GTF3C5: variants seen among roughly 807,000 people sequenced by gnomAD.
The protein encoded by GTF3C5 is general transcription factor IIIC subunit 5.
Under a neutral mutation model 61.0 loss-of-function variants are expected in GTF3C5, and 47 were observed. The ratio of observed to expected loss-of-function variants is 0.77; its 90% confidence interval spans 0.61 to 0.98. The LOEUF (loss-of-function observed/expected upper bound fraction) is 0.98, where lower values mean the gene tolerates loss of function less well. GTF3C5 is among the 50% of genes least tolerant of loss of function. The pLI is 0.00. For synonymous variants in GTF3C5, 295 were observed against 275.4 expected (o/e 1.07, Z -0.71); for missense variants, 659 against 703.3 (o/e 0.94, Z 0.71).
chr9:133,031,097 AC>A lies in GTF3C5; in HGVS notation c.89del (p.Pro30ArgfsTer175). On this transcript the variant is annotated frameshift_variant, in exon 1 of 11. Transcript: ENST00000372097. LOFTEE classifies it high-confidence loss of function. ...RRERRMVCVE[Y>X]PGVVRDVAKM... The stretch of plus-strand genomic sequence containing the variant: ...GAGCGACGCATGGTGTGCGTGGAGT[AC>A]CCGGGAGTGGTGCGTGATGTGGCTA... 1 of 1,607,232 alleles carries A rather than the reference AC, an allele frequency of 6.2e-7. No homozygotes were observed. The highest frequency in any genetic ancestry group is 8.5e-7 in the Non-Finnish European group (1 of 1,176,534).
intron 8 of GTF3C5, chr9:133,055,251 G>A: frequency 6.8e-7 from 1 of 1,472,076 alleles, no homozygotes; most frequent in Non-Finnish European, 9.0e-7. Context: ...GGGGTTGGCG[G>A]TTTCCAGAGC....
rs1363329435 is a variant in GTF3C5, at chr9:133,052,134, G to A, written c.843G>A (p.Lys281=). The A allele has an allele frequency of 6.2e-7, 1 of 1,605,308 alleles. No homozygotes were observed. Among genetic ancestry groups the A allele is most frequent in the Non-Finnish European group, 8.5e-7 (1 of 1,174,200 alleles). The change falls in exon 5 of 11, where the codon AAG becomes AAA. Residue 281 remains lysine (K), a synonymous_variant. Coordinates refer to ENST00000372097, the MANE Select transcript of GTF3C5 (RefSeq NM_012087.4). ...ANISVHPDKL[K]VLLPFIAYYM... is the part of the protein sequence containing the mutation. Reference sequence around the variant, plus strand: ...TCAGCGTCCACCCAGACAAGCTCAAGGTCTTGCTTCCCTTCATAGCCTATT... The same window carrying A: ...TCAGCGTCCACCCAGACAAGCTCAAAGTCTTGCTTCCCTTCATAGCCTATT...
intron 1 of GTF3C5, among the ~76,000 whole-genome samples, chr9:133,034,665 C>T (rs560353246): frequency 6.6e-5 from 10 of 152,040 alleles, no homozygotes; most frequent in Non-Finnish European, 1.5e-4. Context: ...AAGGCCCTTC[C>T]CAAGCTGGTT....
At chr9:133,050,198 C>T (rs757254931) in intron 3 of GTF3C5, among the ~76,000 whole-genome samples, 6 of 152,050 alleles carry the variant, frequency 3.9e-5, no homozygotes, top group African/African-American at 1.2e-4. Flanking sequence ...CCAGGAGCTC[C>T]GTCTCTGGGC....
At chr9:133,046,605 C>A (rs920191203) in intron 3 of GTF3C5, among the ~76,000 whole-genome samples, 2 of 152,168 alleles carry the variant, frequency 1.3e-5, no homozygotes, top group African/African-American at 4.8e-5. Flanking sequence ...CCAGGGCACT[C>A]CCTGGAGCCT....
rs923849884 is a variant in GTF3C5, at chr9:133,050,693, G to A, written c.573-90G>A. Reference sequence around the variant, plus strand: ...AGGCACACGGTGGCTGTGGGCCTTGGGGGGTTCTGGGCTCCCTGCCTGGTC... The same window carrying A: ...AGGCACACGGTGGCTGTGGGCCTTGAGGGGTTCTGGGCTCCCTGCCTGGTC... On this transcript the variant is annotated intron_variant, in intron 3 of 10. Transcript: ENST00000372097. 2.1e-5 allele frequency: 19 copies of A among 902,660 alleles called. No homozygotes were observed. In the East Asian group the frequency reaches 3.9e-4, roughly 19 times the overall value. The allele number at this position is 902,660 out of a possible 1,614,324, so 55.9% of individuals were successfully genotyped here.
intron 3 of GTF3C5, 79 bp downstream of exon 3, chr9:133,044,005 C>G (rs1432592665): frequency 2.0e-6 from 2 of 1,004,804 alleles, no homozygotes; most frequent in Non-Finnish European, 3.0e-6. Context: ...ACACACTGGG[C>G]GTGGTGGTGC....
chr9:133,036,086 A>G (rs569944048), intron 1 of GTF3C5, among the ~76,000 whole-genome samples: 1 of 152,292 alleles, frequency 6.6e-6, no homozygotes, highest in South Asian at 2.1e-4. Flanking sequence ...AGACTACTGA[A>G]TATCCATTAT....
In GTF3C5 at chr9:133,042,177, A is replaced by G; in HGVS notation, c.244A>G (p.Ser82Gly). 1.8e-5 allele frequency: 29 copies of G among 1,614,110 alleles called. No homozygotes were observed. Among genetic ancestry groups the G allele is most frequent in the Non-Finnish European group, 2.5e-5 (29 of 1,179,932 alleles). ...HPVCANRFST[S>G]SLLLRIRKRT... ...AGTGTGCGCCAACCGCTTCAGTACC[A>G]GCAGCCTGCTGCTCCGCATCAGGAA... is the stretch of plus-strand genomic sequence containing the variant. The change falls in exon 2 of 11, where the codon AGC (serine) becomes GGC (glycine). Residue 82 changes from serine (S) to glycine (G), a missense_variant. Physicochemically the swap from Ser to Gly is moderately conservative, Grantham distance 56. Coordinates refer to ENST00000372097, the MANE Select transcript of GTF3C5 (RefSeq NM_012087.4).
At chr9:133,039,858 CAAG>C (rs1291794345) in intron 1 of GTF3C5, among the ~76,000 whole-genome samples, 3 of 152,162 alleles carry the variant, frequency 2.0e-5, no homozygotes, top group South Asian at 4.1e-4. Context: ...GATAAAGACA[CAAG>C]AAAGTTTAGG....
chr9:133,039,495 C>G (rs1321327894), intron 1 of GTF3C5, among the ~76,000 whole-genome samples: 1 of 152,098 alleles, frequency 6.6e-6, no homozygotes, highest in Non-Finnish European at 1.5e-5. Flanking sequence ...CCTCAACCTC[C>G]TAGGCTCGGG....
chr9:133,054,591 C>T, intron 7 of GTF3C5, 103 bp downstream of exon 7: 1 of 1,403,850 alleles, frequency 7.1e-7, no homozygotes, highest in Non-Finnish European at 9.9e-7. Flanking sequence ...CACTCCAGGG[C>T]TCTGCCGGTC....
At chr9:133,054,838 G>C in intron 8 of GTF3C5, 29 bp downstream of exon 8, 1 of 1,549,026 alleles carries the variant, frequency 6.5e-7, no homozygotes, top group East Asian at 2.4e-5. Context: ...CAGGAATGGA[G>C]GGGAGGACTT....
intron 1 of GTF3C5, among the ~76,000 whole-genome samples, chr9:133,036,174 C>T (rs1849854876): frequency 6.6e-6 from 1 of 152,156 alleles, no homozygotes; most frequent in Non-Finnish European, 1.5e-5. Flanking sequence ...TCCCTTACAT[C>T]GGGCCTGAAT....
intron 1 of GTF3C5, among the ~76,000 whole-genome samples, chr9:133,038,200 A>C (rs927540335): frequency 5.9e-5 from 9 of 152,140 alleles, no homozygotes; most frequent in Non-Finnish European, 1.0e-4. Context: ...GGAGTTGAAC[A>C]AGCTGAACCT....
upstream of GTF3C5, chr9:133,030,955 G>A: frequency 6.3e-7 from 1 of 1,583,054 alleles, no homozygotes; most frequent in African/African-American, 1.3e-5. Context: ...ATTGAGGCGA[G>A]GCCTTTGGGA....
rs569636687 is a variant in GTF3C5 at position 133,035,544 on chromosome 9, G to A, written c.153+4380G>A. On this transcript the variant is annotated intron_variant, in intron 1 of 10. Coordinates refer to ENST00000372097, the MANE Select transcript of GTF3C5 (RefSeq NM_012087.4). ...GCAGCTGAGATAAGACTTCTCTCTTGAGGGGTTTGGATAACATTTCTCTTT... is the reference window on the plus strand; with the variant it reads ...GCAGCTGAGATAAGACTTCTCTCTTAAGGGGTTTGGATAACATTTCTCTTT... Among the ~76,000 whole-genome samples the A allele has an allele frequency of 4.6e-5, 7 of 152,280 alleles. No homozygotes were observed. The South Asian group carries it at 1.4e-3, about 32-fold the overall frequency.
chr9:133,036,724 T>G (rs1849872887), intron 1 of GTF3C5, among the ~76,000 whole-genome samples: 1 of 152,128 alleles, frequency 6.6e-6, no homozygotes, highest in Non-Finnish European at 1.5e-5. Flanking sequence ...AGATTTTGTT[T>G]TTAGGGCATA....
rs759593240 is a variant in GTF3C5 at position 133,054,777 on chromosome 9, C to T, written c.1135C>T (p.Arg379Trp). 2.8e-5 allele frequency: 45 copies of T among 1,582,290 alleles called. No homozygotes were observed. Among genetic ancestry groups the T allele is most frequent in the Middle Eastern group, 3.3e-4 (2 of 6,044 alleles). ...GGGCCCGTCGGGGACGAGTGGTGCT[C>T]GGAAACCAGCTTCCAGCAAGTACAA... ...GLGPSGTSGA[R>W]KPASSKYKLK... Residue 379 changes from arginine to tryptophan, a missense_variant, in exon 8 of 11, where the codon CGG (arginine) becomes TGG (tryptophan). By Grantham distance (101) the Arg-to-Trp change is moderately radical. Transcript: ENST00000372097.
Sources: gnomAD v4.1 joint callset for allele counts (sites outside exome capture counted in the v4.1 genomes callset) on GRCh38, gnomAD v4.1.1 for gene constraint, MANE v1.5 for transcripts, NCBI Gene and HGNC (gene_info 2026-07-23, HGNC 2026-07-21) for gene names.